CEP152: variants seen among roughly 807,000 people sequenced by gnomAD.
CEP152 encodes the protein centrosomal protein 152.
In CEP152, 132 loss-of-function variants were observed where a neutral mutation model predicts 188.9. That is an observed-to-expected ratio of 0.70 (90% confidence interval 0.61 to 0.81). The LOEUF is 0.81. CEP152 is among the 30% of genes least tolerant of loss of function. CEP152 has a pLI of 0.00. For missense variants in CEP152, 1,914 were observed against 1,969.8 expected (o/e 0.97, Z 0.54); for synonymous variants, 649 against 666.6 (o/e 0.97, Z 0.41).
At chr15:48,740,327 C>T (rs1213922194) in intron 26 of CEP152, among the ~76,000 whole-genome samples, 1 of 152,038 alleles carries the variant, frequency 6.6e-6, no homozygotes, top group East Asian at 1.9e-4. Context: ...TATCATTCTC[C>T]ATCCCCTGAT....
chr15:48,802,089 C>CAAA (rs74528148), intron 2 of CEP152, among the ~76,000 whole-genome samples: 1 of 98,916 alleles, frequency 1.0e-5, no homozygotes, highest in Non-Finnish European at 2.1e-5. Context: ...GACTCCATCT[C>CAAA]AAAAAAAAAA....
intron 2 of CEP152, chr15:48,729,546 TAAA>T (rs1248918935): frequency 6.6e-6 from 1 of 151,866 alleles, no homozygotes; most frequent in Non-Finnish European, 1.5e-5. Flanking sequence ...ATCTCCTAAA[TAAA>T]AAAAATTTTT....
chr15:48,782,807 G>A (rs1360279305), intron 10 of CEP152, among the ~76,000 whole-genome samples: 1 of 152,146 alleles, frequency 6.6e-6, no homozygotes, highest in Admixed American at 6.5e-5. Flanking sequence ...ATGACCATCT[G>A]GGAAATGATT....
chr15:48,753,823 G>A (rs1894067158), intron 20 of CEP152, among the ~76,000 whole-genome samples: 1 of 151,956 alleles, frequency 6.6e-6, no homozygotes, highest in South Asian at 2.1e-4. Context: ...TTTTGATATG[G>A]CATTCATTTT....
intron 17 of CEP152, among the ~76,000 whole-genome samples, chr15:48,766,799 T>G (rs373758814): frequency 6.6e-6 from 1 of 152,088 alleles, no homozygotes; most frequent in African/African-American, 2.4e-5. Context: ...TTTTTTTTTT[T>G]TGCCCTTTAG....
At chr15:48,741,130 C>CTTTTTTTTTTTTTTTTTTTTTTTTTTTT (rs60800078) in intron 26 of CEP152, 1 of 557,038 alleles carries the variant, frequency 1.8e-6, no homozygotes. Context: ...CCACTGCAAA[C>CTTTTTTTTTTTTTTTTTTTTTTTTTTTT]TTTTTTTTTT....
chr15:48,762,090 T>C (rs1251181742), intron 18 of CEP152, among the ~76,000 whole-genome samples: 1 of 152,228 alleles, frequency 6.6e-6, no homozygotes, highest in Non-Finnish European at 1.5e-5. Flanking sequence ...ATAATTAAAC[T>C]GTGATTCATT....
chr15:48,757,091 T>G (rs775352295), intron 19 of CEP152, among the ~76,000 whole-genome samples: 13 of 152,112 alleles, frequency 8.5e-5, no homozygotes, highest in Non-Finnish European at 1.5e-4. Context: ...TATGACAGAA[T>G]AATAGAACTA....
intron 22 of CEP152, among the ~76,000 whole-genome samples, chr15:48,746,946 A>C (rs1462544492): frequency 6.6e-6 from 1 of 152,188 alleles, no homozygotes; most frequent in East Asian, 1.9e-4. Context: ...GAAGGGAGAA[A>C]ACAATGAAAT....
At position 48,791,429 on chromosome 15, in the gene CEP152, T is replaced by A. The variant is rs1481364417; in HGVS notation, c.833-53A>T. ...TAATGTTCCTGTAGAGGGACCCCAA[T>A]GTCACAATCCCAATCAGATGTCACG... On this transcript the variant is annotated intron_variant, in intron 7 of 26. Transcript: ENST00000380950. 6 of 1,480,944 alleles carry A rather than the reference T, an allele frequency of 4.1e-6. No homozygotes were observed. In the African/African-American group the frequency reaches 8.3e-5, roughly 20 times the overall value. The allele number at this position is 1,480,944 out of a possible 1,614,324, so 91.7% of individuals were successfully genotyped here.
At chr15:48,752,301 G>A (rs750625087) in intron 21 of CEP152, 48 bp downstream of exon 21, 42 of 1,613,668 alleles carry the variant, frequency 2.6e-5, no homozygotes, top group Middle Eastern at 1.7e-4. Context: ...CCCTTCAGAT[G>A]GGTGATTATG....
downstream of CEP152, among the ~76,000 whole-genome samples, chr15:48,736,907 T>C (rs1892629679): frequency 6.6e-6 from 1 of 152,176 alleles, no homozygotes; most frequent in Admixed American, 6.5e-5. Flanking sequence ...ATAGGGAGCA[T>C]AAACTTGGCT....
chr15:48,742,085 T>C lies in CEP152; in HGVS notation c.3851A>G (p.Tyr1284Cys). 6.2e-7 allele frequency: 1 copy of C among 1,614,076 alleles called. No homozygotes were observed. Residue 1284 changes from tyrosine to cysteine, a missense_variant, in exon 25 of 27, where the codon TAT becomes TGT. Tyr to Cys is a radical substitution (Grantham distance 194, BLOSUM62 -2). Transcript: ENST00000380950. The stretch of plus-strand genomic sequence containing the variant: ...AGCTCGTTCCTTACTCTCCTGAATA[T>C]AACGAAGCATGTCACCTATAGGGAA... ...VKKIKCDMLR[Y>C]IQESKERAAE...
At chr15:48,780,425 A>G (rs1288317719) in intron 12 of CEP152, among the ~76,000 whole-genome samples, 1 of 152,178 alleles carries the variant, frequency 6.6e-6, no homozygotes, top group Non-Finnish European at 1.5e-5. Context: ...CGTAGAGCAA[A>G]CTTTTCAGGA....
chr15:48,752,359 T>A lies in CEP152; in HGVS notation c.3456A>T (p.Glu1152Asp). The change falls in exon 21 of 27, where the codon GAA becomes GAT. Residue 1152 changes from glutamate to aspartate, a missense_variant. By Grantham distance (45) the Glu-to-Asp change is conservative (BLOSUM62 2). Coordinates refer to ENST00000380950, the MANE Select transcript of CEP152 (RefSeq NM_001194998.2). ...ACAAAATCCAATTACCAGCTTCTGC[T>A]TCTGTTGCTTGTAAGGCCAAGGGCT... is the stretch of plus-strand genomic sequence containing the variant. ...HAQPLALQAT[E>D]AEADKKKVLE... is the part of the protein sequence containing the mutation. 6.2e-7 allele frequency: 1 copy of A among 1,614,080 alleles called. No individual in the cohort carries two copies. The highest frequency in any genetic ancestry group is 8.5e-7 in the Non-Finnish European group (1 of 1,180,014).
At chr15:48,758,299 C>T (rs553099597) in intron 19 of CEP152, among the ~76,000 whole-genome samples, 2 of 152,262 alleles carry the variant, frequency 1.3e-5, no homozygotes, top group African/African-American at 2.4e-5. Flanking sequence ...CCTTTCTGGA[C>T]CTCTTTTGGT....
chr15:48,745,732 G>A (rs12185088), intron 22 of CEP152, among the ~76,000 whole-genome samples: 22,378 of 152,032 alleles, frequency 0.15, 1,879 homozygotes, highest in East Asian at 0.38. Flanking sequence ...ACTGATAAGA[G>A]TCCATGTGGT....
Position 48,753,437 on chromosome 15 carries a change from C to CTA in CEP152, c.3346-970_3346-969dup, listed in dbSNP as rs569782192. On this transcript the variant is annotated intron_variant, in intron 20 of 26. Coordinates refer to ENST00000380950, the MANE Select transcript of CEP152 (RefSeq NM_001194998.2). ...AGTCTTACTGATTATTTAAAACATACTATATATGCCTGATTCTAGAAGCCT... is the reference window on the plus strand; with the variant it reads ...AGTCTTACTGATTATTTAAAACATACTATATATATGCCTGATTCTAGAAGCCT... Among the ~76,000 whole-genome samples, 16 of 152,286 alleles carry CTA rather than the reference C, an allele frequency of 1.1e-4. No homozygotes were observed. In the East Asian group the frequency reaches 3.1e-3, roughly 29 times the overall value.
At chr15:48,791,206 T>C (rs1896965995) in intron 8 of CEP152, 31 bp downstream of exon 8, 1 of 1,589,148 alleles carries the variant, frequency 6.3e-7, no homozygotes, top group Admixed American at 1.7e-5. Context: ...AACTTTTAAT[T>C]TTTTTACCAT....
Sources: allele counts gnomAD v4.1 joint callset (sites outside exome capture counted in the v4.1 genomes callset), GRCh38; gene constraint gnomAD v4.1.1; transcripts MANE v1.5; gene names NCBI Gene and HGNC (gene_info 2026-07-23, HGNC 2026-07-21).